CLIP1: variants seen among roughly 807,000 people sequenced by gnomAD.
CLIP1 encodes CAP-Gly domain-containing linker protein 1.
A neutral mutation model predicts 161.6 loss-of-function variants in CLIP1; 66 were observed. The observed-to-expected ratio is 0.41, with a 90% CI of 0.33 to 0.50. The LOEUF (loss-of-function observed/expected upper bound fraction) is 0.50. Among genes scored for constraint, CLIP1 ranks in the 20% least tolerant of loss-of-function variants. The pLI, the probability that CLIP1 is intolerant of heterozygous loss-of-function variation, is 0.27. For synonymous variants in CLIP1, 598 were observed against 626.2 expected (o/e 0.96, Z 0.67); for missense variants, 1,376 against 1,702.0 (o/e 0.81, Z 3.37).
At chr12:122,336,970 T>TC (rs1952257088) in intron 11 of CLIP1, among the ~76,000 whole-genome samples, 1 of 151,430 alleles carries the variant, frequency 6.6e-6, no homozygotes, top group African/African-American at 2.4e-5. Context: ...GTGTTTTTTT[T>TC]TTTTTCTCTT....
chr12:122,374,635 G>A (rs1051942177), intron 3 of CLIP1, among the ~76,000 whole-genome samples: 2 of 151,970 alleles, frequency 1.3e-5, no homozygotes, highest in Non-Finnish European at 2.9e-5. Flanking sequence ...GGTGGTGGGC[G>A]CCTGTAATCC....
At chr12:122,409,598 C>G (rs895069330) in intron 1 of CLIP1, among the ~76,000 whole-genome samples, 11 of 152,084 alleles carry the variant, frequency 7.2e-5, no homozygotes, top group African/African-American at 2.7e-4. Flanking sequence ...GTGGCTCAAT[C>G]TCAGCTCACT....
intron 21 of CLIP1, among the ~76,000 whole-genome samples, chr12:122,286,864 G>C (rs1016461354): frequency 3.3e-5 from 5 of 152,130 alleles, no homozygotes; most frequent in Non-Finnish European, 5.9e-5. Flanking sequence ...CGGGTGTGGT[G>C]TCATGCACCT....
In CLIP1 at chr12:122,323,026, G is replaced by A. The variant is rs1286098766; in HGVS notation, c.3250-3678C>T. 6.6e-6 allele frequency: 1 copy of A among 152,462 alleles called. No individual in the cohort carries two copies. The highest frequency in any genetic ancestry group is 2.4e-5 in the African/African-American group (1 of 41,388). The allele number at this position is 152,462 out of a possible 1,614,324, so 9.4% of individuals were successfully genotyped here. On this transcript the variant is annotated intron_variant, in intron 17 of 25. Transcript: ENST00000620786. The surrounding 1 kb of genome is among the most constrained non-coding windows in gnomAD (Gnocchi z 4.1). ...CCTTCTTCAGAGCATCAATATTACC[G>A]AGGAGTTTCATATTCTCTTGCACAA...
intron 17 of CLIP1, among the ~76,000 whole-genome samples, chr12:122,325,787 G>T (rs1321553582): frequency 1.3e-5 from 2 of 152,160 alleles, no homozygotes; most frequent in Non-Finnish European, 2.9e-5. Context: ...CTGAGTAGCT[G>T]GGACTACAGG....
At chr12:122,372,439 G>A (rs1954499734) in intron 3 of CLIP1, among the ~76,000 whole-genome samples, 1 of 151,002 alleles carries the variant, frequency 6.6e-6, no homozygotes, top group Non-Finnish European at 1.5e-5. Context: ...AAAATTAGTC[G>A]GGTGTGGTGG....
chr12:122,317,643 G>C (rs1951321257), intron 18 of CLIP1, among the ~76,000 whole-genome samples: 1 of 152,228 alleles, frequency 6.6e-6, no homozygotes, highest in Admixed American at 6.5e-5. Flanking sequence ...CTGGGGCCAT[G>C]CTGGCTTTCT....
At chr12:122,345,494 G>A (rs1200749335) in intron 10 of CLIP1, among the ~76,000 whole-genome samples, 1 of 151,660 alleles carries the variant, frequency 6.6e-6, no homozygotes, top group Non-Finnish European at 1.5e-5. Flanking sequence ...AAATACACAG[G>A]AGAAATCTTT....
rs756613341 is a variant in CLIP1, at chr12:122,279,124, G to T, written c.3669C>A (p.Asp1223Glu). 6.2e-7 allele frequency: 1 copy of T among 1,610,720 alleles called. No homozygotes were observed. Among genetic ancestry groups the T allele is most frequent in the African/African-American group, 1.3e-5 (1 of 74,636 alleles). The stretch of plus-strand genomic sequence containing the variant: ...GCAAGGAAGCTTTCTCTTCATCTGC[G>T]TCTTTTATGAACTTGGATTCTCTAA... ...MKKRESKFIKDADEEKASLQK... is the reference protein window; with the variant it reads ...MKKRESKFIKEADEEKASLQK... Residue 1223 changes from aspartate (D) to glutamate (E), a missense_variant, in exon 22 of 26, where the codon GAC becomes GAA. Coordinates refer to ENST00000620786, the MANE Select transcript of CLIP1 (RefSeq NM_001247997.2). The surrounding 1 kb of genome is among the most constrained non-coding windows in gnomAD (Gnocchi z 4.5).
intron 24 of CLIP1, chr12:122,276,530 A>T: frequency 8.0e-7 from 1 of 1,256,480 alleles, no homozygotes; most frequent in Non-Finnish European, 1.0e-6. Context: ...GTTAGTTATT[A>T]AGCCCAGTAG....
rs1163279351 is a variant in CLIP1 at position 122,311,834 on chromosome 12, C to A, written c.3474-1952G>T. Among the ~76,000 whole-genome samples, 1 of 152,098 alleles carries A rather than the reference C, an allele frequency of 6.6e-6. No individual in the cohort carries two copies. Among genetic ancestry groups the A allele is most frequent in the Non-Finnish European group, 1.5e-5 (1 of 68,024 alleles). On this transcript the variant is annotated intron_variant, in intron 19 of 25. Coordinates refer to ENST00000620786, the MANE Select transcript of CLIP1 (RefSeq NM_001247997.2). This position sits in a 1 kb window ranked among gnomAD's most constrained non-coding sequence, Gnocchi z 4.3. Reference sequence around the variant, plus strand: ...TGTTTTAATGAGAAGACTGAAGCTCCGGGAAGTAAACAGATTTGCCCCAAA... The same window carrying A: ...TGTTTTAATGAGAAGACTGAAGCTCAGGGAAGTAAACAGATTTGCCCCAAA...
Position 122,272,822 on chromosome 12 carries a change from TTG to T in CLIP1, c.*51_*52del, listed in dbSNP as rs369918339. 3.9e-4 allele frequency: 571 copies of T among 1,457,092 alleles called. 8 individuals carry two copies. The East Asian group carries it at 0.011, about 28-fold the overall frequency. The allele number at this position is 1,457,092 out of a possible 1,614,324, so 90.3% of individuals were successfully genotyped here. ...CTGCACACACAATGCTGGTGTTACG[TTG>T]TGTCAATGCGAGTGCGTCTGAGCAA... is the stretch of plus-strand genomic sequence containing the variant. On this transcript the variant is annotated 3_prime_UTR_variant, in exon 26 of 26. Transcript: ENST00000620786.
intron 1 of CLIP1, among the ~76,000 whole-genome samples, chr12:122,392,015 A>G (rs559513455): frequency 6.6e-6 from 1 of 152,240 alleles, no homozygotes; most frequent in Admixed American, 6.5e-5. Context: ...TCACACCTGT[A>G]ATCCTAGCAC....
At chr12:122,364,867 C>T in intron 3 of CLIP1, 1 of 670,530 alleles carries the variant, frequency 1.5e-6, no homozygotes, top group Non-Finnish European at 2.8e-6. Flanking sequence ...CCTTTGGCCA[C>T]ATATATGCAA....
intron 17 of CLIP1, among the ~76,000 whole-genome samples, chr12:122,325,657 ATT>A (rs1951686537): frequency 3.0e-5 from 3 of 99,760 alleles, no homozygotes; most frequent in African/African-American, 5.7e-5. Context: ...TAAGGTTTTT[ATT>A]TTTATTTATT....
chr12:122,352,362 T>C (rs1328956793), intron 8 of CLIP1, among the ~76,000 whole-genome samples: 6 of 152,172 alleles, frequency 3.9e-5, no homozygotes, highest in Non-Finnish European at 7.3e-5. Context: ...CGGCCTGTTA[T>C]GGACTACTAT....
At chr12:122,372,431 A>T (rs1451948213) in intron 3 of CLIP1, among the ~76,000 whole-genome samples, 1 of 150,938 alleles carries the variant, frequency 6.6e-6, no homozygotes, top group Non-Finnish European at 1.5e-5. Flanking sequence ...AAAAAAAAAA[A>T]ATTAGTCGGG....
intron 1 of CLIP1, among the ~76,000 whole-genome samples, chr12:122,408,599 C>T (rs898593995): frequency 1.3e-5 from 2 of 151,990 alleles, no homozygotes; most frequent in Non-Finnish European, 2.9e-5. Flanking sequence ...CCACCCACCT[C>T]GGCCTCCCAA....
Position 122,278,778 on chromosome 12 carries a change from C to T in CLIP1, c.3916+14G>A. ...GCGGGGTGTACAGAGAAGCACTGGG[C>T]AGGCGCCCTTTACCTGAGGAGCTGC... is the stretch of plus-strand genomic sequence containing the variant. On this transcript the variant is annotated intron_variant, in intron 23 of 25. Coordinates refer to ENST00000620786, the MANE Select transcript of CLIP1 (RefSeq NM_001247997.2). 6.3e-7 allele frequency: 1 copy of T among 1,577,582 alleles called. No homozygotes were observed. The highest frequency in any genetic ancestry group is 2.3e-5 in the East Asian group (1 of 44,408).
Sources: gnomAD v4.1 joint callset for allele counts (sites outside exome capture counted in the v4.1 genomes callset) on GRCh38, gnomAD v4.1.1 for gene constraint, Gnocchi (gnomAD v3.1) non-coding constraint, MANE v1.5 for transcripts, NCBI Gene and HGNC (gene_info 2026-07-23, HGNC 2026-07-21) for gene names.